Variants in NTAQ1 observed in about 807,000 individuals in gnomAD.
NTAQ1 encodes the protein N-terminal glutamine amidase 1.
A neutral mutation model predicts 28.2 loss-of-function variants in NTAQ1; 21 were observed. The ratio of observed to expected loss-of-function variants is 0.74; its 90% CI spans 0.53 to 1.07. NTAQ1 has a LOEUF of 1.07. NTAQ1 is among the 50% of genes least tolerant of loss of function. The probability of loss-of-function intolerance (pLI) is 0.00; values close to 1 mark genes in which losing one functional copy is unlikely to be tolerated. For synonymous variants in NTAQ1, 105 were observed against 90.0 expected (o/e 1.17, Z -0.94); for missense variants, 264 against 256.6 (o/e 1.03, Z -0.20).
chr8:123,419,733 G>GCCCCCCCCCCCC (rs1469498585), intron 1 of NTAQ1, among the ~76,000 whole-genome samples: 2 of 71,234 alleles, frequency 2.8e-5, no homozygotes, highest in East Asian at 7.8e-4. Context: ...CAAATCCACA[G>GCCCCCCCCCCCC]CCCTCCCTCC....
At chr8:123,454,928 A>G (rs1176667890) in intron 6 of NTAQ1, 1 of 152,316 alleles carries the variant, frequency 6.6e-6, no homozygotes, top group African/African-American at 2.4e-5. Context: ...TGGATGAGGC[A>G]TTCATTGAGT....
intron 4 of NTAQ1, 63 bp downstream of exon 4, chr8:123,436,664 G>GT: frequency 6.6e-7 from 1 of 1,517,220 alleles, no homozygotes. Flanking sequence ...TTCCACAGAG[G>GT]TTCTTTTTTT....
At chr8:123,450,893 A>G (rs58673439), downstream of NTAQ1, among the ~76,000 whole-genome samples, 1,820 of 152,152 alleles carry the variant, frequency 0.012, 10 homozygotes, top group Middle Eastern at 0.024. Context: ...AAACCAGACT[A>G]TCTCATTCCC....
chr8:123,417,918 A>G (rs906644867), intron 1 of NTAQ1, among the ~76,000 whole-genome samples: 1 of 152,074 alleles, frequency 6.6e-6, no homozygotes, highest in Non-Finnish European at 1.5e-5. Context: ...CTGAAACTGG[A>G]ACCTCTTCGT....
At chr8:123,474,668 G>A (rs1563911223), downstream of NTAQ1, among the ~76,000 whole-genome samples, 1 of 152,174 alleles carries the variant, frequency 6.6e-6, no homozygotes, top group Non-Finnish European at 1.5e-5. Flanking sequence ...ACTGTGGGAG[G>A]CCAAGGTGGG....
chr8:123,474,226 AG>A (rs1483062690), downstream of NTAQ1, among the ~76,000 whole-genome samples: 3 of 152,220 alleles, frequency 2.0e-5, no homozygotes, highest in African/African-American at 7.2e-5. Context: ...TTTCTGATCC[AG>A]GATCCAAACC....
downstream of NTAQ1, among the ~76,000 whole-genome samples, chr8:123,473,920 G>T (rs1586976189): frequency 6.6e-6 from 1 of 151,670 alleles, no homozygotes; most frequent in African/African-American, 2.4e-5. Flanking sequence ...TTTTTAAATT[G>T]CATTGTTATT....
chr8:123,441,412 C>G lies in NTAQ1; in HGVS notation c.615C>G (p.Cys205Trp). The G allele has an allele frequency of 6.2e-7, 1 of 1,604,442 alleles. No homozygotes were observed. The highest frequency in any genetic ancestry group is 8.5e-7 in the Non-Finnish European group (1 of 1,175,198). ...EFTHRFGSKN[C>W] ...CACATCGGTTTGGCAGTAAAAACTG[C>G]TGAACTTGGTCTCAAGATGTGGAAC... The change falls in exon 6 of 6, where the codon TGC becomes TGG. Residue 205 changes from cysteine (C) to tryptophan (W), a missense_variant. Transcript: ENST00000287387.
At chr8:123,420,647 C>T (rs991994965) in intron 1 of NTAQ1, among the ~76,000 whole-genome samples, 1 of 134,260 alleles carries the variant, frequency 7.4e-6, no homozygotes, top group Non-Finnish European at 1.5e-5. Context: ...GCTTACAGTG[C>T]AGTGGCATGA....
chr8:123,447,916 T>G (rs528015319), intron 6 of NTAQ1: 1 of 152,258 alleles, frequency 6.6e-6, no homozygotes, highest in African/African-American at 2.4e-5. Flanking sequence ...GGACTACATT[T>G]CCCATTCTCC....
At position 123,421,984 on chromosome 8, in the gene NTAQ1, T is replaced by C. The variant is rs147459199; in HGVS notation, c.83+5052T>C. Among the ~76,000 whole-genome samples the C allele has an allele frequency of 3.2e-3, 483 of 151,988 alleles. 2 individuals carry two copies. The highest frequency in any genetic ancestry group is 0.011 in the African/African-American group (455 of 41,456). ...CGTGAGCCACCGCGCCCAGCCTAAG[T>C]TTTGTATTTTTAATAGAGACAATGT... On this transcript the variant is annotated intron_variant, in intron 1 of 5. Transcript: ENST00000287387.
At chr8:123,421,753 A>G (rs2130148983) in intron 1 of NTAQ1, among the ~76,000 whole-genome samples, 1 of 149,520 alleles carries the variant, frequency 6.7e-6, no homozygotes, top group Admixed American at 6.7e-5. Flanking sequence ...CAGTGGCGTG[A>G]TCTTGGCTCA....
intron 1 of NTAQ1, among the ~76,000 whole-genome samples, chr8:123,418,527 A>T (rs954573266): frequency 2.0e-5 from 3 of 152,158 alleles, no homozygotes; most frequent in Non-Finnish European, 2.9e-5. Context: ...GAAAAATAAG[A>T]TAAAGGATGG....
rs529090722 is a variant in NTAQ1, at chr8:123,467,695, G to T, written c.*545G>T. ...TTGTGAGCAAGGAAGAAAGGGAGAG[G>T]CAAGGGCCAGAGGAGCAGTGAATAT... is the stretch of plus-strand genomic sequence containing the variant. On this transcript the variant is annotated 3_prime_UTR_variant, in exon 7 of 7. Coordinates refer to the NTAQ1 transcript ENST00000650311. 1.2e-3 allele frequency among the ~76,000 whole-genome samples: 188 copies of T among 152,316 alleles called. 1 individual carries two copies. The highest frequency in any genetic ancestry group is 3.4e-3 in the Middle Eastern group (1 of 294).
intron 1 of NTAQ1, among the ~76,000 whole-genome samples, chr8:123,424,980 G>A (rs968531479): frequency 3.3e-5 from 5 of 152,090 alleles, no homozygotes; most frequent in South Asian, 2.1e-4. Flanking sequence ...CGAAAAACTT[G>A]TATAAGCCAG....
At chr8:123,469,191 G>A (rs1410687100) in exon 7 of NTAQ1, among the ~76,000 whole-genome samples, 4 of 152,100 alleles carry the variant, frequency 2.6e-5, no homozygotes, top group African/African-American at 9.7e-5. Context: ...TATATTGATT[G>A]TATCTTTTGG....
At chr8:123,449,869 C>G (rs1586961915), downstream of NTAQ1, among the ~76,000 whole-genome samples, 1 of 68,146 alleles carries the variant, frequency 1.5e-5, no homozygotes, top group Non-Finnish European at 3.4e-5. Context: ...TTCTCTCTCT[C>G]TCTCTCTCTC....
chr8:123,440,146 CTTTTTTTTTTTTTTTTTT>C (rs577877415), intron 5 of NTAQ1, among the ~76,000 whole-genome samples: 1 of 56,542 alleles, frequency 1.8e-5, no homozygotes, highest in African/African-American at 7.5e-5. Context: ...GGATTAACTC[CTTTTTTTTTTTTTTTTTT>C]TTTTTTTTTG....
chr8:123,458,794 G>C (rs1815731739), intron 6 of NTAQ1, among the ~76,000 whole-genome samples: 1 of 151,748 alleles, frequency 6.6e-6, no homozygotes, highest in Admixed American at 6.6e-5. Context: ...CTAATTTTTT[G>C]TATTTTTAGT....
Sources: allele counts gnomAD v4.1 joint callset (sites outside exome capture counted in the v4.1 genomes callset), GRCh38; gene constraint gnomAD v4.1.1; transcripts MANE v1.5; gene names NCBI Gene and HGNC (gene_info 2026-07-23, HGNC 2026-07-21).